AIRIM: variants seen among roughly 807,000 people sequenced by gnomAD.
The protein encoded by AIRIM is AFG2 interacting ribosome maturation factor.
chr1:37,690,525 C>T, the AIRIM span: 1 of 1,172,374 alleles, frequency 8.5e-7, no homozygotes, highest in South Asian at 1.6e-5. Context: ...AGTCTCTCTG[C>T]GCATGCTCAC....
At chr1:37,692,232 A>C in the AIRIM span, 6 of 200,948 alleles carry the variant, frequency 3.0e-5, no homozygotes, top group African/African-American at 1.2e-4. Flanking sequence ...GGGGTATTGC[A>C]GAGCCGCCAC....
the AIRIM span, chr1:37,689,823 C>A: frequency 1.9e-6 from 3 of 1,604,336 alleles, no homozygotes; most frequent in Admixed American, 3.4e-5. Context: ...TCCTCCACCA[C>A]GGGGAAGCAC....
At chr1:37,685,194 G>T in the AIRIM span, among the ~76,000 whole-genome samples, 198 of 119,858 alleles carry the variant, frequency 1.7e-3, 2 homozygotes, top group Middle Eastern at 0.016. Context: ...CTTTTTTTTG[G>T]GGGGGGGGGG....
At chr1:37,690,555 C>T in the AIRIM span, 1 of 1,098,338 alleles carries the variant, frequency 9.1e-7, no homozygotes, top group Non-Finnish European at 1.2e-6. Flanking sequence ...CCCCACAAAG[C>T]TACTCCGCGG....
At chr1:37,690,697 C>A in the AIRIM span, among the ~76,000 whole-genome samples, 3 of 152,224 alleles carry the variant, frequency 2.0e-5, no homozygotes, top group African/African-American at 7.2e-5. Flanking sequence ...CGTCCAAACA[C>A]GGCGACTTCT....
chr1:37,690,015 GT>G, the AIRIM span: 5,413 of 1,238,342 alleles, frequency 4.4e-3, 16 homozygotes, highest in Non-Finnish European at 4.4e-3. Flanking sequence ...CAGAAGCAGG[GT>G]TTTTTTTTTG....
chr1:37,689,150 T>C, the AIRIM span, among the ~76,000 whole-genome samples: 1 of 152,156 alleles, frequency 6.6e-6, no homozygotes, highest in Non-Finnish European at 1.5e-5. Context: ...TACCCTTTTC[T>C]AGCTGCGTCA....
chr1:37,688,112 A>T, the AIRIM span, among the ~76,000 whole-genome samples: 1 of 152,054 alleles, frequency 6.6e-6, no homozygotes, highest in Non-Finnish European at 1.5e-5. Context: ...GCTGGAGTGC[A>T]GTGGGACAGT....
chr1:37,684,677 G>T, the AIRIM span, among the ~76,000 whole-genome samples: 2 of 152,170 alleles, frequency 1.3e-5, no homozygotes, highest in Non-Finnish European at 2.9e-5. Context: ...AGGAAAAGGG[G>T]GCTGAATTTG....
At chr1:37,687,894 T>A in the AIRIM span, among the ~76,000 whole-genome samples, 1 of 151,728 alleles carries the variant, frequency 6.6e-6, no homozygotes, top group African/African-American at 2.4e-5. Context: ...TTGTTTTGCT[T>A]TCCTTTTCAT....
chr1:37,689,740 T>C, the AIRIM span: 1 of 1,613,888 alleles, frequency 6.2e-7, no homozygotes. Flanking sequence ...CCTGCAGCTG[T>C]TCCGCCAGGT....
the AIRIM span, chr1:37,690,238 G>A: frequency 1.5e-5 from 19 of 1,276,708 alleles, no homozygotes; most frequent in African/African-American, 2.3e-4. Flanking sequence ...GCCCGCCTCG[G>A]TCTTCCAAAG....
At chr1:37,682,382 A>ACC in the AIRIM span, 1 of 152,332 alleles carries the variant, frequency 6.6e-6, no homozygotes, top group Non-Finnish European at 1.5e-5. Context: ...GCATTCTCCC[A>ACC]CCCCTGCGGC....
chr1:37,683,162 T>C, the AIRIM span: 4 of 1,612,070 alleles, frequency 2.5e-6, no homozygotes, highest in Non-Finnish European at 3.4e-6. Context: ...ATAGGATATC[T>C]GAAATAGGAA....
chr1:37,683,236 C>T, the AIRIM span: 1 of 1,606,642 alleles, frequency 6.2e-7, no homozygotes, highest in South Asian at 1.1e-5. Context: ...ACAGCAAGGG[C>T]ACCTTCCTAA....
chr1:37,687,083 T>C, the AIRIM span, among the ~76,000 whole-genome samples: 1 of 150,828 alleles, frequency 6.6e-6, no homozygotes, highest in Non-Finnish European at 1.5e-5. Flanking sequence ...TGTGTGTGTG[T>C]GTGTGTGTGT....
At chr1:37,689,622 T>C in the AIRIM span, 85 of 1,607,138 alleles carry the variant, frequency 5.3e-5, no homozygotes, top group Non-Finnish European at 6.9e-5. Flanking sequence ...TCCCCTAGCT[T>C]GTCCAGGACG....
At chr1:37,684,869 TGA>T in the AIRIM span, among the ~76,000 whole-genome samples, 1 of 151,760 alleles carries the variant, frequency 6.6e-6, no homozygotes, top group African/African-American at 2.4e-5. Flanking sequence ...AGACAAGAAT[TGA>T]GAGAAGACCA....
the AIRIM span, chr1:37,683,694 C>A: frequency 2.7e-6 from 1 of 367,324 alleles, no homozygotes; most frequent in South Asian, 3.8e-5. Context: ...AAATCAGATC[C>A]TGAAAAGAAA....
Sources: allele counts gnomAD v4.1 joint callset (sites outside exome capture counted in the v4.1 genomes callset), GRCh38; gene constraint gnomAD v4.1.1; transcripts MANE v1.5; gene names NCBI Gene and HGNC (gene_info 2026-07-23, HGNC 2026-07-21).